The following SCN8A variants were observed in gnomAD, a reference collection of about 807,000 sequenced individuals.
The protein encoded by SCN8A is sodium voltage-gated channel alpha subunit 8.
SCN8A carries 30 observed loss-of-function variants against 184.1 expected under a neutral mutation model. The ratio of observed to expected loss-of-function variants is 0.16; its 90% CI spans 0.12 to 0.22. SCN8A has a LOEUF of 0.22. Among genes scored for constraint, SCN8A ranks in the 10% least tolerant of loss-of-function variants. The pLI is 1.00. For synonymous variants in SCN8A, 852 were observed against 907.0 expected (o/e 0.94, Z 1.09); for missense variants, 1,057 against 2,498.9 (o/e 0.42, Z 12.30).
intron 2 of SCN8A, among the ~76,000 whole-genome samples, chr12:51,674,338 C>CT (rs969705078): frequency 2.1e-4 from 31 of 148,588 alleles, no homozygotes; most frequent in African/African-American, 3.9e-4. Flanking sequence ...TTGTCATCTT[C>CT]TTTTTTTTTT....
Position 51,651,235 on chromosome 12 carries a change from A to G in SCN8A, c.-54-11529A>G, listed in dbSNP as rs530806801. 2.3e-4 allele frequency among the ~76,000 whole-genome samples: 35 copies of G among 152,200 alleles called. No individual in the cohort carries two copies. The South Asian group carries it at 7.3e-3, about 32-fold the overall frequency. The stretch of plus-strand genomic sequence containing the variant: ...TTATGGCCAGTTTTGGGGCCAGTTT[A>G]TGGCCAGATTTTGGGGGGCCTGCTC... On this transcript the variant is annotated intron_variant, in intron 1 of 26. Coordinates refer to ENST00000627620, the MANE Select transcript of SCN8A (RefSeq NM_001330260.2).
chr12:51,708,217 C>A (rs1941816588), intron 11 of SCN8A, among the ~76,000 whole-genome samples: 1 of 152,152 alleles, frequency 6.6e-6, no homozygotes, highest in Non-Finnish European at 1.5e-5. Flanking sequence ...AACAGGACAT[C>A]TTATTTGAGC....
Position 51,794,515 on chromosome 12 carries a change from A to G in SCN8A, c.4669A>G (p.Ile1557Val). The G allele has an allele frequency of 6.2e-7, 1 of 1,614,010 alleles. No homozygotes were observed. The highest frequency in any genetic ancestry group is 1.3e-5 in the African/African-American group (1 of 75,034). The change falls in exon 26 of 27, where the codon ATT becomes GTT. Residue 1557 changes from isoleucine to valine, a missense_variant. This residue lies in a region of SCN8A where 34 missense variants were observed against 64.0 expected (regional missense o/e 0.53). Coordinates refer to ENST00000627620, the MANE Select transcript of SCN8A (RefSeq NM_001330260.2). ...SKQMENILYW[I>V]NLVFVIFFTC... Reference sequence around the variant, plus strand: ...GCAGATGGAGAACATCCTCTACTGGATTAACCTGGTGTTTGTTATCTTCTT... The same window carrying G: ...GCAGATGGAGAACATCCTCTACTGGGTTAACCTGGTGTTTGTTATCTTCTT...
At chr12:51,647,247 A>C (rs1940611081) in intron 1 of SCN8A, among the ~76,000 whole-genome samples, 1 of 152,248 alleles carries the variant, frequency 6.6e-6, no homozygotes, top group African/African-American at 2.4e-5. Flanking sequence ...CCTGATAGTT[A>C]CTTATGGATA....
At chr12:51,609,076 A>G (rs1161778361) in intron 1 of SCN8A, among the ~76,000 whole-genome samples, 1 of 152,184 alleles carries the variant, frequency 6.6e-6, no homozygotes. Flanking sequence ...TTCTAGTTTT[A>G]TTCCACTGTG....
At chr12:51,780,561 C>CTTTTTTTTTTTTTTTT (rs1565923413) in intron 20 of SCN8A, 88 bp from the exon 21 acceptor site, 1 of 457,856 alleles carries the variant, frequency 2.2e-6, no homozygotes, top group African/African-American at 1.1e-4. Context: ...CCTCTGTTTT[C>CTTTTTTTTTTTTTTTT]TTTCTTTTTT....
chr12:51,643,325 T>C (rs1940496244), intron 1 of SCN8A, among the ~76,000 whole-genome samples: 1 of 152,218 alleles, frequency 6.6e-6, no homozygotes, highest in South Asian at 2.1e-4. Flanking sequence ...CTCGCTTTCT[T>C]TCCTCACTTG....
intron 2 of SCN8A, among the ~76,000 whole-genome samples, chr12:51,683,122 T>G (rs1468033815): frequency 6.6e-6 from 1 of 152,240 alleles, no homozygotes; most frequent in African/African-American, 2.4e-5. Context: ...TCATACATTA[T>G]GCATATTTTT....
chr12:51,757,968 G>T (rs566235536), intron 14 of SCN8A, among the ~76,000 whole-genome samples: 71 of 152,276 alleles, frequency 4.7e-4, no homozygotes, highest in African/African-American at 1.5e-3. Context: ...TTAAAACTGA[G>T]AAAATTTCTA....
intron 1 of SCN8A, among the ~76,000 whole-genome samples, chr12:51,605,027 C>CTGTT (rs1939556874): frequency 6.6e-6 from 1 of 152,146 alleles, no homozygotes; most frequent in Non-Finnish European, 1.5e-5. Context: ...GCCCAGGTGT[C>CTGTT]TGTTGTTCCC....
intron 12 of SCN8A, among the ~76,000 whole-genome samples, chr12:51,744,317 C>T (rs1034666527): frequency 1.3e-5 from 2 of 152,112 alleles, no homozygotes; most frequent in African/African-American, 4.8e-5. Flanking sequence ...AAACAAAAAA[C>T]CTTAGAGATT....
chr12:51,625,420 C>G (rs1394047180), intron 1 of SCN8A, among the ~76,000 whole-genome samples: 1 of 152,182 alleles, frequency 6.6e-6, no homozygotes, highest in Non-Finnish European at 1.5e-5. Flanking sequence ...AGTCACCTGT[C>G]AAAAGACGTT....
chr12:51,647,640 A>G (rs1217598531), intron 1 of SCN8A, among the ~76,000 whole-genome samples: 1 of 152,250 alleles, frequency 6.6e-6, no homozygotes, highest in African/African-American at 2.4e-5. Context: ...TAATGTTTAA[A>G]ATGATTAAAA....
intron 26 of SCN8A, among the ~76,000 whole-genome samples, chr12:51,796,484 G>A (rs538359616): frequency 1.3e-5 from 2 of 152,108 alleles, no homozygotes; most frequent in South Asian, 2.1e-4. Flanking sequence ...TTGATGATGG[G>A]GATTTTTATT....
At chr12:51,804,274 A>T (rs1176116661) in intron 26 of SCN8A, among the ~76,000 whole-genome samples, 1 of 151,582 alleles carries the variant, frequency 6.6e-6, no homozygotes, top group African/African-American at 2.4e-5. Flanking sequence ...TTTATATCCT[A>T]ATGCCTTGGC....
rs373002273 is a variant in SCN8A at position 51,699,571 on chromosome 12, C to T, written c.708C>T (p.Gly236=). ...RALKTISVIP[G]LKTIVGALIQ... The stretch of plus-strand genomic sequence containing the variant: ...ATTCCGGGGATTCTGTCTCCTCAGG[C>T]CTGAAGACAATTGTGGGTGCCCTGA... Residue 236 remains glycine, a splice_region_variant and synonymous_variant, in exon 7 of 27, where the codon GGC becomes GGT. Transcript: ENST00000627620. 3 of 1,610,892 alleles carry T rather than the reference C, an allele frequency of 1.9e-6. No individual in the cohort carries two copies. The African/African-American group carries it at 4.0e-5, about 22-fold the overall frequency.
At chr12:51,632,992 A>T (rs1940230017) in intron 1 of SCN8A, among the ~76,000 whole-genome samples, 1 of 152,246 alleles carries the variant, frequency 6.6e-6, no homozygotes, top group African/African-American at 2.4e-5. Context: ...ATACAATAAG[A>T]ATAATAACAA....
chr12:51,735,250 G>C (rs746829574), intron 12 of SCN8A, among the ~76,000 whole-genome samples: 1 of 152,164 alleles, frequency 6.6e-6, no homozygotes, highest in Non-Finnish European at 1.5e-5. Flanking sequence ...GCCATGGCAC[G>C]CAGACTGAGA....
intron 12 of SCN8A, among the ~76,000 whole-genome samples, chr12:51,726,824 G>T (rs1207756106): frequency 1.3e-5 from 2 of 152,132 alleles, no homozygotes; most frequent in African/African-American, 2.4e-5. Context: ...ACTTGGAGAA[G>T]GTGGGGCTCC....
Sources: gnomAD v4.1 joint callset for allele counts (sites outside exome capture counted in the v4.1 genomes callset) on GRCh38, gnomAD v4.1.1 for gene constraint, gnomAD v4.1.1 regional missense constraint, MANE v1.5 for transcripts, NCBI Gene and HGNC (gene_info 2026-07-23, HGNC 2026-07-21) for gene names.